The following LPAR1 variants were observed in gnomAD, a reference collection of about 807,000 sequenced individuals.
LPAR1 encodes lysophosphatidic acid receptor 1, also known as LPA receptor 1.
In LPAR1, 5 loss-of-function variants were observed where a neutral mutation model predicts 23.8. The ratio of observed to expected loss-of-function variants is 0.21; its 90% confidence interval spans 0.11 to 0.44. LPAR1 has a LOEUF of 0.44. Among genes scored for constraint, LPAR1 ranks in the 20% least tolerant of loss-of-function variants. The pLI is 0.99. For missense variants in LPAR1, 311 were observed against 482.8 expected (o/e 0.64, Z 3.33); for synonymous variants, 160 against 164.7 (o/e 0.97, Z 0.22).
chr9:110,887,768 T>G (rs1386793523), intron 5 of LPAR1, among the ~76,000 whole-genome samples: 1 of 152,162 alleles, frequency 6.6e-6, no homozygotes, highest in Non-Finnish European at 1.5e-5. Flanking sequence ...GTCTAAATAT[T>G]GCAAAGCAAA....
rs192452487 is a variant in LPAR1, at chr9:110,890,604, T to C, written c.794-14882A>G. ...TCCAGGGTCCTTAGCACCCTGCCCATTGTGGCCAGCAAAAACTACTCCCTC... is the reference window on the plus strand; with the variant it reads ...TCCAGGGTCCTTAGCACCCTGCCCACTGTGGCCAGCAAAAACTACTCCCTC... On this transcript the variant is annotated intron_variant, in intron 5 of 5. Transcript: ENST00000683809. 4.0e-3 allele frequency among the ~76,000 whole-genome samples: 612 copies of C among 152,336 alleles called. 3 individuals are homozygous for C. Among genetic ancestry groups the C allele is most frequent in the African/African-American group, 0.014 (581 of 41,572 alleles).
At chr9:111,019,012 T>C (rs181632503) in intron 2 of LPAR1, among the ~76,000 whole-genome samples, 5 of 152,370 alleles carry the variant, frequency 3.3e-5, no homozygotes, top group Non-Finnish European at 2.9e-5. Context: ...ACACATTTGT[T>C]ACTTCTAGGT....
chr9:110,978,881 G>A (rs2192590), intron 2 of LPAR1, among the ~76,000 whole-genome samples: 60,267 of 151,976 alleles, frequency 0.4, 12,711 homozygotes, highest in Non-Finnish European at 0.47. Flanking sequence ...TCCCACAGAA[G>A]TAGAGAGCAA....
intron 5 of LPAR1, among the ~76,000 whole-genome samples, chr9:110,896,002 A>C (rs984812159): frequency 6.6e-5 from 10 of 152,172 alleles, no homozygotes; most frequent in African/African-American, 2.4e-4. Context: ...GATCAGGCTT[A>C]CAGAGTGAAA....
chr9:110,989,692 TGACAATA>T (rs1290076743), intron 2 of LPAR1, among the ~76,000 whole-genome samples: 1 of 152,016 alleles, frequency 6.6e-6, no homozygotes, highest in Non-Finnish European at 1.5e-5. Flanking sequence ...AGAACAAATG[TGACAATA>T]GACAAAAGCA....
At chr9:111,013,525 C>G (rs1412760620) in intron 2 of LPAR1, among the ~76,000 whole-genome samples, 1 of 152,146 alleles carries the variant, frequency 6.6e-6, no homozygotes, top group Non-Finnish European at 1.5e-5. Context: ...CAAAGTACCA[C>G]TTTACCCTGT....
chr9:110,933,100 T>C (rs963263726), intron 5 of LPAR1, among the ~76,000 whole-genome samples: 1 of 152,202 alleles, frequency 6.6e-6, no homozygotes, highest in African/African-American at 2.4e-5. Context: ...GGATTTTTCA[T>C]ACATAGGGCT....
intron 4 of LPAR1, among the ~76,000 whole-genome samples, chr9:110,966,538 T>C (rs928303936): frequency 6.0e-5 from 9 of 150,744 alleles, no homozygotes; most frequent in African/African-American, 2.2e-4. Flanking sequence ...CAAACTACCA[T>C]GGCACATGTA....
At chr9:111,015,058 A>C (rs1265566752) in intron 2 of LPAR1, among the ~76,000 whole-genome samples, 3 of 152,182 alleles carry the variant, frequency 2.0e-5, no homozygotes, top group South Asian at 4.1e-4. Context: ...TACAAACGAA[A>C]AACCACATGA....
At chr9:110,910,987 T>G (rs567788682) in intron 5 of LPAR1, among the ~76,000 whole-genome samples, 77 of 152,360 alleles carry the variant, frequency 5.1e-4, no homozygotes, top group Admixed American at 1.6e-3. Flanking sequence ...ATTGAAAATA[T>G]TCCATCAACT....
chr9:110,940,448 T>A (rs555128343), intron 5 of LPAR1, among the ~76,000 whole-genome samples: 50 of 152,360 alleles, frequency 3.3e-4, no homozygotes, highest in African/African-American at 1.2e-3. Flanking sequence ...CCATTGAATT[T>A]CTGTGGGGAA....
chr9:110,952,353 C>T (rs1248112796), intron 4 of LPAR1, among the ~76,000 whole-genome samples: 2 of 152,110 alleles, frequency 1.3e-5, no homozygotes, highest in East Asian at 1.9e-4. Context: ...CATGCAACAG[C>T]GTTACTCCAG....
chr9:110,947,767 G>A (rs10980654), intron 4 of LPAR1, among the ~76,000 whole-genome samples: 19,081 of 152,220 alleles, frequency 0.13, 1,423 homozygotes, highest in Admixed American at 0.21. Context: ...CATACTCATT[G>A]GCCAAGAGGA....
At chr9:110,976,589 T>G (rs1222932115) in intron 2 of LPAR1, among the ~76,000 whole-genome samples, 1 of 152,106 alleles carries the variant, frequency 6.6e-6, no homozygotes, top group Non-Finnish European at 1.5e-5. Context: ...CCATTTCCTT[T>G]GCTTGAGCTT....
rs1324357247 is a variant in LPAR1, at chr9:110,971,971, G to T, written c.45+102C>A. 34 of 958,004 alleles carry T rather than the reference G, an allele frequency of 3.5e-5. 1 individual carries two copies. Among genetic ancestry groups the T allele is most frequent in the Admixed American group, 7.1e-5 (4 of 56,482 alleles). 59.3% of individuals were successfully genotyped at this position (958,004 alleles called of 1,614,324 possible). On this transcript the variant is annotated intron_variant, in intron 4 of 5. Coordinates refer to ENST00000683809, the MANE Select transcript of LPAR1 (RefSeq NM_001351411.2). ...ATACACACCAAATGATAGCGAGAGA[G>T]ATATACATGATCCCTAGAGTCAAAT...
intron 2 of LPAR1, among the ~76,000 whole-genome samples, chr9:110,985,530 GC>G (rs2096761998): frequency 6.6e-6 from 1 of 152,036 alleles, no homozygotes; most frequent in Non-Finnish European, 1.5e-5. Context: ...ACACAATTGC[GC>G]CTTTTTACAT....
At position 110,937,526 on chromosome 9, in the gene LPAR1, A is replaced by T. The variant is rs533146683; in HGVS notation, c.793+3895T>A. 3.9e-5 allele frequency among the ~76,000 whole-genome samples: 6 copies of T among 152,296 alleles called. No homozygotes were observed. In the East Asian group the frequency reaches 1.2e-3, roughly 29 times the overall value. Reference sequence around the variant, plus strand: ...AACTGGAAAATAAGGATAACAAATCAATAACAGTACCTATACGCCATAGGG... The same window carrying T: ...AACTGGAAAATAAGGATAACAAATCTATAACAGTACCTATACGCCATAGGG... On this transcript the variant is annotated intron_variant, in intron 5 of 5. Coordinates refer to ENST00000683809, the MANE Select transcript of LPAR1 (RefSeq NM_001351411.2).
At chr9:111,036,284 C>A (rs922487286) in intron 1 of LPAR1, 83 bp from the exon 2 acceptor site, 1 of 150,352 alleles carries the variant, frequency 6.7e-6, no homozygotes, top group African/African-American at 2.5e-5. Context: ...CACCCTAGTG[C>A]ATTAGCTAAG....
At chr9:110,949,508 T>C (rs1022318203) in intron 4 of LPAR1, among the ~76,000 whole-genome samples, 1 of 152,224 alleles carries the variant, frequency 6.6e-6, no homozygotes, top group Non-Finnish European at 1.5e-5. Flanking sequence ...CTTGATATGT[T>C]TTCTCTCCAG....
Sources: gnomAD v4.1 joint callset for allele counts (sites outside exome capture counted in the v4.1 genomes callset) on GRCh38, gnomAD v4.1.1 for gene constraint, MANE v1.5 for transcripts, NCBI Gene and HGNC (gene_info 2026-07-23, HGNC 2026-07-21) for gene names.